The following STX1B variants were observed in gnomAD, a reference collection of about 807,000 sequenced individuals.
STX1B encodes the protein syntaxin 1B.
In STX1B, 7 loss-of-function variants were observed where a neutral mutation model predicts 39.4. The observed-to-expected ratio is 0.18, with a 90% CI of 0.10 to 0.33. STX1B has a LOEUF of 0.33. Among genes scored for constraint, STX1B ranks in the 10% least tolerant of loss-of-function variants. The pLI is 1.00. For synonymous variants in STX1B, 136 were observed against 144.1 expected, an observed-to-expected ratio of 0.94 and a Z score of 0.40; for missense variants, 198 against 383.2, an observed-to-expected ratio of 0.52 and a Z score of 4.04.
chr16:31,003,810 CA>C (rs2056643741), intron 1 of STX1B, among the ~76,000 whole-genome samples: 1 of 152,196 alleles, frequency 6.6e-6, no homozygotes, highest in South Asian at 2.1e-4. Flanking sequence ...CTACCATTTA[CA>C]AACACTTTTA....
intron 1 of STX1B, among the ~76,000 whole-genome samples, chr16:31,002,063 C>T (rs1167363893): frequency 6.6e-6 from 1 of 152,098 alleles, no homozygotes; most frequent in Non-Finnish European, 1.5e-5. Flanking sequence ...AGACATGTCC[C>T]CTGTGCAAGG....
rs1258035159 is a variant in STX1B at position 30,991,875 on chromosome 16, A to C, written c.*946T>G. On this transcript the variant is annotated 3_prime_UTR_variant, in exon 10 of 10. Transcript: ENST00000215095. ...AGAGCAAGACTCCGTCTCGAAAAAA[A>C]CAAAAAACAAAAAACAAAAAAAAAT... is the stretch of plus-strand genomic sequence containing the variant. The C allele has an allele frequency of 6.6e-6, 1 of 152,172 alleles. No individual in the cohort carries two copies. The highest frequency in any genetic ancestry group is 1.5e-5 in the Non-Finnish European group (1 of 68,108). The allele number at this position is 152,172 out of a possible 1,614,324, so 9.4% of individuals were successfully genotyped here.
chr16:30,992,457 C>A lies in STX1B; in HGVS notation c.*364G>T. 1 of 250,544 alleles carries A rather than the reference C, an allele frequency of 4.0e-6. No homozygotes were observed. The highest frequency in any genetic ancestry group is 6.8e-5 in the South Asian group (1 of 14,806). The allele number at this position is 250,544 out of a possible 1,614,324, so 15.5% of individuals were successfully genotyped here. ...TTGGCTGCAGTCTACACAACAGCCC[C>A]GGTGAAGGGGGAAGCTCAGACCACG... On this transcript the variant is annotated 3_prime_UTR_variant, in exon 10 of 10. Coordinates refer to ENST00000215095, the MANE Select transcript of STX1B (RefSeq NM_052874.5).
chr16:31,001,613 A>C lies in STX1B; in HGVS notation c.31-10T>G. The C allele has an allele frequency of 6.2e-7, 1 of 1,611,302 alleles. No homozygotes were observed. Among genetic ancestry groups the C allele is most frequent in the Non-Finnish European group, 8.5e-7 (1 of 1,178,704 alleles). Reference sequence around the variant, plus strand: ...CATCACTGTCTTTCGCCTGGGGACAAGGAAGGCTGAGTCCATGAGCAGGCC... The same window carrying C: ...CATCACTGTCTTTCGCCTGGGGACACGGAAGGCTGAGTCCATGAGCAGGCC... On this transcript the variant is annotated splice_polypyrimidine_tract_variant and intron_variant, in intron 1 of 9. Coordinates refer to ENST00000215095, the MANE Select transcript of STX1B (RefSeq NM_052874.5). The surrounding 1 kb of genome is among the most constrained non-coding windows in gnomAD (Gnocchi z 5.5).
chr16:31,009,006 G>A (rs1211829816), intron 1 of STX1B, among the ~76,000 whole-genome samples: 1 of 152,110 alleles, frequency 6.6e-6, no homozygotes, highest in Non-Finnish European at 1.5e-5. Context: ...TGTATATTCA[G>A]TAAAAATGTA....
chr16:30,996,872 C>T, intron 6 of STX1B, 79 bp downstream of exon 6: 1 of 1,572,002 alleles, frequency 6.4e-7, no homozygotes, highest in East Asian at 2.2e-5. Context: ...CCAGGGGCCC[C>T]CTCCAGAGAG....
chr16:30,992,363 G>A lies in STX1B; in HGVS notation c.*458C>T, dbSNP rs2056563974. On this transcript the variant is annotated 3_prime_UTR_variant, in exon 10 of 10. Coordinates refer to ENST00000215095, the MANE Select transcript of STX1B (RefSeq NM_052874.5). ...ACACAAATGGTGTGTCCACAGATCT[G>A]TGGTCTCACGCACGCACACACACTG... 1 of 158,958 alleles carries A rather than the reference G, an allele frequency of 6.3e-6. No individual in the cohort carries two copies. The highest frequency in any genetic ancestry group is 1.9e-4 in the South Asian group (1 of 5,140). The allele number at this position is 158,958 out of a possible 1,614,324, so 9.8% of individuals were successfully genotyped here. A position where few individuals can be genotyped will look rare whatever the true frequency, so the allele number is the denominator to read the frequency against.
At chr16:30,995,350 G>A (rs966025833) in intron 7 of STX1B, among the ~76,000 whole-genome samples, 2 of 152,090 alleles carry the variant, frequency 1.3e-5, no homozygotes, top group African/African-American at 2.4e-5. Flanking sequence ...CAGTCATAGC[G>A]CATCCTTTAA....
At chr16:31,000,893 C>T in intron 4 of STX1B, 35 bp downstream of exon 4, 3 of 1,612,538 alleles carry the variant, frequency 1.9e-6, no homozygotes, top group Non-Finnish European at 2.5e-6. Context: ...ACCCACAATT[C>T]TTTTCCTTCC....
chr16:31,008,747 G>A (rs1044925448), intron 1 of STX1B, among the ~76,000 whole-genome samples: 7 of 152,080 alleles, frequency 4.6e-5, no homozygotes, highest in Non-Finnish European at 1.0e-4. Context: ...TGCTGAAGCC[G>A]GCCTGCCTGG....
At chr16:30,996,171 G>A (rs992324435) in intron 7 of STX1B, 1 of 150,622 alleles carries the variant, frequency 6.6e-6, no homozygotes, top group Non-Finnish European at 1.5e-5. Context: ...GCAAAACTCC[G>A]TCTTGAAGAA....
intron 1 of STX1B, among the ~76,000 whole-genome samples, chr16:31,006,403 C>T (rs2056655417): frequency 6.6e-6 from 1 of 152,186 alleles, no homozygotes; most frequent in Non-Finnish European, 1.5e-5. Flanking sequence ...ATTCATTCAT[C>T]TAACGGATGT....
In STX1B at chr16:31,001,496, G is replaced by A; in HGVS notation, c.105+33C>T. ...GGGCTGGGGCTGGGTGCTGGGGCTG[G>A]GGCTGGGGCTGGGGGCCTTGGAGGC... On this transcript the variant is annotated intron_variant, in intron 2 of 9. Coordinates refer to ENST00000215095, the MANE Select transcript of STX1B (RefSeq NM_052874.5). The surrounding 1 kb of genome is among the most constrained non-coding windows in gnomAD (Gnocchi z 5.5). 6.4e-7 allele frequency: 1 copy of A among 1,552,428 alleles called. No homozygotes were observed. The highest frequency in any genetic ancestry group is 8.8e-7 in the Non-Finnish European group (1 of 1,138,816).
intron 7 of STX1B, among the ~76,000 whole-genome samples, chr16:30,993,759 T>C (rs2056575941): frequency 1.3e-5 from 2 of 152,076 alleles, no homozygotes; most frequent in South Asian, 4.1e-4. Flanking sequence ...GGGAGGTGTG[T>C]AGATCACCTG....
At chr16:31,010,240 G>T in intron 1 of STX1B, 127 bp downstream of exon 1, 1 of 652,002 alleles carries the variant, frequency 1.5e-6, no homozygotes, top group Non-Finnish European at 2.3e-6. Flanking sequence ...AGATACTGGG[G>T]TGCTCCGGCT....
chr16:30,996,591 C>A, intron 7 of STX1B, 92 bp downstream of exon 7: 2 of 1,180,332 alleles, frequency 1.7e-6, no homozygotes, highest in Non-Finnish European at 2.5e-6. Context: ...GCTCATTTTT[C>A]CAGGGTGGAC....
chr16:30,997,481 C>A (rs2056601587), intron 5 of STX1B, 21 bp downstream of exon 5: 1 of 1,590,376 alleles, frequency 6.3e-7, no homozygotes, highest in South Asian at 1.1e-5. Context: ...ACCCGACCCC[C>A]AATGGGCTGC....
At chr16:31,005,019 A>C (rs921476683) in intron 1 of STX1B, among the ~76,000 whole-genome samples, 4 of 152,200 alleles carry the variant, frequency 2.6e-5, no homozygotes, top group Non-Finnish European at 2.9e-5. Context: ...ACAGAAAATC[A>C]GTAGGAGGGG....
At chr16:30,996,159 G>A (rs749974686) in intron 7 of STX1B, 1 of 151,070 alleles carries the variant, frequency 6.6e-6, no homozygotes, top group Non-Finnish European at 1.5e-5. Context: ...TGGGTGACAA[G>A]AGCAAAACTC....
Sources: allele counts gnomAD v4.1 joint callset (sites outside exome capture counted in the v4.1 genomes callset), GRCh38; gene constraint gnomAD v4.1.1; non-coding constraint Gnocchi (gnomAD v3.1); transcripts MANE v1.5; gene names NCBI Gene and HGNC (gene_info 2026-07-23, HGNC 2026-07-21).